ACP6: variants seen among roughly 807,000 people sequenced by gnomAD.
ACP6 encodes the protein acid phosphatase 6, lysophosphatidic, also known as lysophosphatidic acid phosphatase type 6.
In ACP6, 48 loss-of-function variants were observed where a neutral mutation model predicts 48.1. That is an observed-to-expected ratio of 1.00 (90% CI 0.79 to 1.27). The LOEUF (loss-of-function observed/expected upper bound fraction) is 1.27, where lower values mean the gene tolerates loss of function less well. ACP6 is among the 50% of genes most tolerant of loss of function. The pLI is 0.00. For synonymous variants in ACP6, 172 were observed against 204.2 expected (o/e 0.84, Z 1.34); for missense variants, 485 against 529.1 (o/e 0.92, Z 0.82).
At chr1:147,659,087 T>C in intron 3 of ACP6, 48 bp from the exon 4 acceptor site, 1 of 1,513,194 alleles carries the variant, frequency 6.6e-7, no homozygotes. Context: ...AATATTTAAT[T>C]ATATACACTC....
chr1:147,665,060 T>C (rs950946056), intron 1 of ACP6, among the ~76,000 whole-genome samples: 1 of 152,256 alleles, frequency 6.6e-6, no homozygotes, highest in Non-Finnish European at 1.5e-5. Flanking sequence ...GGTTTTCCAA[T>C]TTTTAAATCA....
intron 1 of ACP6, among the ~76,000 whole-genome samples, 198 bp from the exon 2 acceptor site, chr1:147,659,973 A>G (rs1186066307): frequency 1.3e-5 from 2 of 152,210 alleles, no homozygotes; most frequent in Admixed American, 1.3e-4. Flanking sequence ...AGGTGTCCTT[A>G]GCCTATGTCC....
intron 1 of ACP6, among the ~76,000 whole-genome samples, chr1:147,668,510 G>T (rs138777603): frequency 6.6e-6 from 1 of 151,800 alleles, no homozygotes; most frequent in African/African-American, 2.4e-5. Context: ...TGTCTTCTAC[G>T]TGAATATAAT....
At chr1:147,660,389 T>C (rs1660488256) in intron 1 of ACP6, among the ~76,000 whole-genome samples, 1 of 152,230 alleles carries the variant, frequency 6.6e-6, no homozygotes, top group Non-Finnish European at 1.5e-5. Context: ...TAGCTCCAAC[T>C]GTTCATAAAA....
rs1206133244 is a variant in ACP6 at position 147,654,127 on chromosome 1, C to A, written c.780+67G>T. On this transcript the variant is annotated intron_variant, in intron 6 of 9. Transcript: ENST00000583509. ...GGAGGCCTCCACCCACTTCTCTCCA[C>A]CCGGTTCTAACTCCGGAGCCAGCCC... 4.4e-6 allele frequency: 7 copies of A among 1,582,064 alleles called. No individual in the cohort carries two copies. The Admixed American group carries it at 1.3e-4, about 29-fold the overall frequency.
rs782392089 is a variant in ACP6, at chr1:147,649,916, A to AAG, written c.977+225_977+226dup. ...TGACATATCTTCAATTAATAAAAAA[A>AAG]AGAGAGAGAGAAAGCAAAAATAAAA... On this transcript the variant is annotated intron_variant, in intron 8 of 9. Coordinates refer to ENST00000583509, the MANE Select transcript of ACP6 (RefSeq NM_016361.5). 7 of 523,470 alleles carry AAG rather than the reference A, an allele frequency of 1.3e-5. No individual in the cohort carries two copies. The South Asian group carries it at 1.9e-4, about 14-fold the overall frequency. The allele number at this position is 523,470 out of a possible 1,614,324, so 32.4% of individuals were successfully genotyped here.
chr1:147,652,353 G>C, intron 7 of ACP6, 96 bp downstream of exon 7: 1 of 1,239,382 alleles, frequency 8.1e-7, no homozygotes, highest in Admixed American at 2.5e-5. Flanking sequence ...GGAGACATCA[G>C]CTGTCAGGTG....
At position 147,658,655 on chromosome 1, in the gene ACP6, C is replaced by T. The variant is rs116748277; in HGVS notation, c.559+305G>A. ...ATGTCTCACCTAAATAAAAAGCCCCCTCGATTGTTCACAAAACATGGTTAG... is the reference window on the plus strand; with the variant it reads ...ATGTCTCACCTAAATAAAAAGCCCCTTCGATTGTTCACAAAACATGGTTAG... On this transcript the variant is annotated intron_variant, in intron 4 of 9. Coordinates refer to ENST00000583509, the MANE Select transcript of ACP6 (RefSeq NM_016361.5). Among the ~76,000 whole-genome samples, 772 of 152,250 alleles carry T rather than the reference C, an allele frequency of 5.1e-3. 10 individuals carry two copies. Among genetic ancestry groups the T allele is most frequent in the African/African-American group, 0.018 (740 of 41,544 alleles).
chr1:147,669,844 G>C lies in ACP6; in HGVS notation c.205C>G (p.Pro69Ala). 6.3e-7 allele frequency: 1 copy of C among 1,592,752 alleles called. No homozygotes were observed. The highest frequency in any genetic ancestry group is 1.1e-5 in the South Asian group (1 of 89,028). Residue 69 changes from proline to alanine, a missense_variant, in exon 1 of 10, where the codon CCG (proline) becomes GCG (alanine). Physicochemically the swap from Pro to Ala is conservative, Grantham distance 27. Coordinates refer to ENST00000583509, the MANE Select transcript of ACP6 (RefSeq NM_016361.5). ...HGARSPLKPL[P>A]LEEQVEWNPQ... The stretch of plus-strand genomic sequence containing the variant: ...CGACCTCTCACCTGCTCCTCCAGCG[G>C]GAGCGGCTTGAGAGGACTCCGAGCC...
chr1:147,662,087 G>C (rs1289547690), intron 1 of ACP6, among the ~76,000 whole-genome samples: 1 of 152,232 alleles, frequency 6.6e-6, no homozygotes, highest in Admixed American at 6.5e-5. Context: ...TCTGTTTACA[G>C]CATGGTCTAC....
At chr1:147,657,856 T>A (rs1172125346) in intron 4 of ACP6, among the ~76,000 whole-genome samples, 2 of 152,260 alleles carry the variant, frequency 1.3e-5, no homozygotes, top group Non-Finnish European at 2.9e-5. Flanking sequence ...CTGAGGCTAG[T>A]GATTTCCTTC....
intron 7 of ACP6, 110 bp downstream of exon 7, chr1:147,652,339 A>G: frequency 8.9e-7 from 1 of 1,119,484 alleles, no homozygotes; most frequent in Non-Finnish European, 1.3e-6. Flanking sequence ...GCCTCCTTAC[A>G]CGAGGAGACA....
chr1:147,641,748 G>T (rs1553208730), downstream of ACP6, among the ~76,000 whole-genome samples: 1 of 152,202 alleles, frequency 6.6e-6, no homozygotes, highest in African/African-American at 2.4e-5. Flanking sequence ...TGGGAAAATG[G>T]AAGCTCAGAG....
At chr1:147,636,152 G>T (rs888147527) in intron 5 of ACP6, among the ~76,000 whole-genome samples, 1 of 152,176 alleles carries the variant, frequency 6.6e-6, no homozygotes. Context: ...AAGCATGTGG[G>T]GGAAAGGGTG....
At chr1:147,662,193 C>G (rs1660580533) in intron 1 of ACP6, among the ~76,000 whole-genome samples, 2 of 152,178 alleles carry the variant, frequency 1.3e-5, no homozygotes, top group Admixed American at 6.5e-5. Flanking sequence ...ACCTAGTCAC[C>G]CAAAGGCGCT....
At chr1:147,631,298 C>A (rs1659156943) in intron 5 of ACP6, among the ~76,000 whole-genome samples, 1 of 152,212 alleles carries the variant, frequency 6.6e-6, no homozygotes, top group Non-Finnish European at 1.5e-5. Context: ...TCATATCAGA[C>A]ACCTGGGACT....
intron 1 of ACP6, 22 bp downstream of exon 1, chr1:147,669,808 C>T (rs1399961219): frequency 6.5e-7 from 1 of 1,549,562 alleles, no homozygotes; most frequent in Non-Finnish European, 8.8e-7. Flanking sequence ...CCCACCAGCC[C>T]CAGCCCGGGC....
At chr1:147,660,252 T>C (rs1345259817) in intron 1 of ACP6, among the ~76,000 whole-genome samples, 1 of 152,194 alleles carries the variant, frequency 6.6e-6, no homozygotes, top group African/African-American at 2.4e-5. Flanking sequence ...ATGCAATTCG[T>C]GAAACAAGCA....
In ACP6 at chr1:147,659,469, C is replaced by G. The variant is rs1553212301; in HGVS notation, c.406G>C (p.Gly136Arg). 9 of 1,614,094 alleles carry G rather than the reference C, an allele frequency of 5.6e-6. No homozygotes were observed. The Admixed American group carries it at 1.3e-4, about 24-fold the overall frequency. ...KVGMQQMFAL[G>R]ERLRKNYVED... The stretch of plus-strand genomic sequence containing the variant: ...ACATAGTTCTTCCTCAGTCTCTCTC[C>G]CAAGGCAAACATTTGCTGCATGCCC... The change falls in exon 3 of 10, where the codon GGA becomes CGA. Residue 136 changes from glycine (G) to arginine (R), a missense_variant. By Grantham distance (125) the Gly-to-Arg change is moderately radical (BLOSUM62 -2). Transcript: ENST00000583509.
Sources: gnomAD v4.1 joint callset for allele counts (sites outside exome capture counted in the v4.1 genomes callset) on GRCh38, gnomAD v4.1.1 for gene constraint, MANE v1.5 for transcripts, NCBI Gene and HGNC (gene_info 2026-07-23, HGNC 2026-07-21) for gene names.